Variants in NFATC1 observed in about 807,000 individuals in gnomAD.
NFATC1 encodes the protein nuclear factor of activated T-cells, cytoplasmic 1.
A neutral mutation model predicts 76.0 loss-of-function variants in NFATC1; 22 were observed. The observed-to-expected ratio is 0.29, with a 90% CI of 0.21 to 0.41. NFATC1 has a LOEUF of 0.41. Among genes scored for constraint, NFATC1 ranks in the 10% least tolerant of loss-of-function variants. The pLI is 1.00. For missense variants in NFATC1, 1,357 were observed against 1,337.7 expected, an observed-to-expected ratio of 1.01 and a Z score of -0.23; for synonymous variants, 704 against 613.1, an observed-to-expected ratio of 1.15 and a Z score of -2.19.
intron 3 of NFATC1, among the ~76,000 whole-genome samples, chr18:79,441,244 A>C (rs1411425460): frequency 6.6e-6 from 1 of 152,154 alleles, no homozygotes; most frequent in Non-Finnish European, 1.5e-5. Context: ...AAGGAGGGGC[A>C]GGGGTGCTGC....
At chr18:79,480,078 G>T (rs753145934) in intron 8 of NFATC1, among the ~76,000 whole-genome samples, 7 of 152,198 alleles carry the variant, frequency 4.6e-5, no homozygotes, top group African/African-American at 1.4e-4. Flanking sequence ...TGACCACGTC[G>T]CAGCTCATGC....
Position 79,481,083 on chromosome 18 carries a change from C to T in NFATC1, c.2093-5165C>T, listed in dbSNP as rs116257772. Among the ~76,000 whole-genome samples, 430 of 152,364 alleles carry T rather than the reference C, an allele frequency of 2.8e-3. 1 individual carries two copies. Among genetic ancestry groups the T allele is most frequent in the African/African-American group, 9.5e-3 (397 of 41,592 alleles). On this transcript the variant is annotated intron_variant, in intron 8 of 9. Transcript: ENST00000427363. ...CCACATCTGGGCCTGTTTCCAGTGA[C>T]CCCTGCACCTCTCAAAGGCGCAGGC...
At position 79,448,762 on chromosome 18, in the gene NFATC1, G is replaced by A. The variant is rs374825939; in HGVS notation, c.1387-20G>A. 1.2e-6 allele frequency: 2 copies of A among 1,609,664 alleles called. No individual in the cohort carries two copies. The highest frequency in any genetic ancestry group is 1.7e-6 in the Non-Finnish European group (2 of 1,177,670). On this transcript the variant is annotated intron_variant, in intron 3 of 9. Transcript: ENST00000427363. ...TCTGTGCTCTGGGTGCTGAGCAGGT[G>A]TTTTCTGTTCTCTCGCCAGCTGCAT...
At chr18:79,427,468 G>GC in intron 2 of NFATC1, among the ~76,000 whole-genome samples, 1 of 83,058 alleles carries the variant, frequency 1.2e-5, no homozygotes. Context: ...GCGGTGGGTG[G>GC]GGGCTGTACC....
intron 3 of NFATC1, among the ~76,000 whole-genome samples, chr18:79,443,407 A>G (rs954253148): frequency 3.9e-5 from 6 of 152,228 alleles, no homozygotes; most frequent in African/African-American, 1.4e-4. Flanking sequence ...CAGGCATGGT[A>G]GTGAGGGCAG....
intron 4 of NFATC1, 27 bp downstream of exon 4, chr18:79,449,011 T>C: frequency 6.2e-7 from 1 of 1,608,340 alleles, no homozygotes; most frequent in Non-Finnish European, 8.5e-7. Context: ...CTCCGGCCTC[T>C]GGCAGGGGGC....
chr18:79,480,960 T>C (rs2089251619), intron 8 of NFATC1, among the ~76,000 whole-genome samples: 1 of 152,258 alleles, frequency 6.6e-6, no homozygotes, highest in African/African-American at 2.4e-5. Context: ...ATCTAAACTC[T>C]GAAAATTACC....
chr18:79,419,439 G>A (rs372114108), intron 2 of NFATC1, among the ~76,000 whole-genome samples: 1 of 142,698 alleles, frequency 7.0e-6, no homozygotes, highest in Admixed American at 6.9e-5. Context: ...GAACCTGCCC[G>A]GGAGCCCCCC....
At chr18:79,409,428 T>A (rs2085577936) in intron 1 of NFATC1, among the ~76,000 whole-genome samples, 1 of 151,768 alleles carries the variant, frequency 6.6e-6, no homozygotes, top group Admixed American at 6.6e-5. Flanking sequence ...TCCATCACCA[T>A]CCATTTATCT....
chr18:79,481,228 G>C (rs9950462), intron 8 of NFATC1, among the ~76,000 whole-genome samples: 1 of 152,222 alleles, frequency 6.6e-6, no homozygotes, highest in Non-Finnish European at 1.5e-5. Flanking sequence ...AGCAGGAAGG[G>C]GCAGTTCCTG....
chr18:79,411,494 T>C lies in NFATC1; in HGVS notation c.1219T>C (p.Tyr407His). The stretch of plus-strand genomic sequence containing the variant: ...GCCCAAGCCCCTGTCCCCTACGTCC[T>C]ACATGAGGTGAGCCGGCAGCGCGGG... ...AKPKPLSPTS[Y>H]MSPTLPALDW... The change falls in exon 2 of 10, where the codon TAC becomes CAC. Residue 407 changes from tyrosine (Y) to histidine (H), a missense_variant. Tyr to His is a moderately conservative substitution (Grantham distance 83). Coordinates refer to ENST00000427363, the MANE Select transcript of NFATC1 (RefSeq NM_001278669.2). 1 of 1,486,226 alleles carries C rather than the reference T, an allele frequency of 6.7e-7. No homozygotes were observed. The highest frequency in any genetic ancestry group is 8.9e-7 in the Non-Finnish European group (1 of 1,119,470). 92.1% of individuals were successfully genotyped at this position (1,486,226 alleles called of 1,614,324 possible). A position where few individuals can be genotyped will look rare whatever the true frequency, so the allele number is the denominator to read the frequency against.
chr18:79,450,345 A>C (rs2087413022), intron 4 of NFATC1, among the ~76,000 whole-genome samples: 1 of 151,468 alleles, frequency 6.6e-6, no homozygotes, highest in Non-Finnish European at 1.5e-5. Flanking sequence ...ACACACAAAA[A>C]ATGAGGGCTT....
intron 9 of NFATC1, among the ~76,000 whole-genome samples, chr18:79,513,037 A>T (rs2090295726): frequency 6.6e-6 from 1 of 152,234 alleles, no homozygotes; most frequent in South Asian, 2.1e-4. Context: ...AGGGAGTTGT[A>T]TCTGCCATGT....
rs1253140311 is a variant in NFATC1 at position 79,446,031 on chromosome 18, T to G, written c.1387-2751T>G. On this transcript the variant is annotated intron_variant, in intron 3 of 9. Coordinates refer to ENST00000427363, the MANE Select transcript of NFATC1 (RefSeq NM_001278669.2). ...CGGCAGTGGAATAAGAATAATACAT[T>G]TTGTTTAGTTAAGGTTGAGGCAGAG... Among the ~76,000 whole-genome samples the G allele has an allele frequency of 6.6e-5, 10 of 152,118 alleles. 1 individual carries two copies. The highest frequency in any genetic ancestry group is 6.5e-4 in the Admixed American group (10 of 15,274).
chr18:79,424,414 A>G (rs1023581098), intron 2 of NFATC1, among the ~76,000 whole-genome samples: 1 of 152,242 alleles, frequency 6.6e-6, no homozygotes, highest in Non-Finnish European at 1.5e-5. Flanking sequence ...CTCCAGACAC[A>G]CAAGCCCAGA....
At position 79,411,355 on chromosome 18, in the gene NFATC1, C is replaced by A; in HGVS notation, c.1080C>A (p.Pro360=). 1 of 1,591,374 alleles carries A rather than the reference C, an allele frequency of 6.3e-7. No homozygotes were observed. ...VEPVGEDLGS[P]PPPADFAPED... ...CCGTCGGGGAGGACCTGGGCAGCCCCCCGCCCCCGGCCGACTTCGCGCCCG... is the reference window on the plus strand; with the variant it reads ...CCGTCGGGGAGGACCTGGGCAGCCCACCGCCCCCGGCCGACTTCGCGCCCG... Residue 360 remains proline (P), a synonymous_variant, in exon 2 of 10, where the codon CCC becomes CCA. Transcript: ENST00000427363.
At chr18:79,516,905 T>C (rs1307517744) in intron 9 of NFATC1, among the ~76,000 whole-genome samples, 2 of 152,250 alleles carry the variant, frequency 1.3e-5, no homozygotes, top group Non-Finnish European at 2.9e-5. Flanking sequence ...ATGAGAGCCA[T>C]ACAAGTCTAA....
intron 9 of NFATC1, among the ~76,000 whole-genome samples, chr18:79,490,404 G>T (rs1043779129): frequency 4.6e-5 from 7 of 151,696 alleles, no homozygotes; most frequent in Admixed American, 3.9e-4. Context: ...GTGTTCCCTG[G>T]TGCAGGCCCG....
chr18:79,427,925 T>TGCA (rs1221535515), intron 2 of NFATC1, among the ~76,000 whole-genome samples: 6 of 86,116 alleles, frequency 7.0e-5, no homozygotes, highest in Non-Finnish European at 1.1e-4. Flanking sequence ...CTGGCCTCTG[T>TGCA]GTGGTGGCAG....
Sources: allele counts gnomAD v4.1 joint callset (sites outside exome capture counted in the v4.1 genomes callset), GRCh38; gene constraint gnomAD v4.1.1; transcripts MANE v1.5; gene names NCBI Gene and HGNC (gene_info 2026-07-23, HGNC 2026-07-21).